The following HSPA4L variants were observed in gnomAD, a reference collection of about 807,000 sequenced individuals.
HSPA4L encodes heat shock 70 kDa protein 4L.
In HSPA4L, 48 loss-of-function variants were observed where a neutral mutation model predicts 100.3. The observed-to-expected ratio is 0.48, with a 90% confidence interval of 0.38 to 0.61. HSPA4L has a LOEUF of 0.61. Among genes scored for constraint, HSPA4L ranks in the 20% least tolerant of loss-of-function variants. The pLI is 0.00. For missense variants in HSPA4L, 886 were observed against 988.6 expected (o/e 0.90, Z 1.39); for synonymous variants, 319 against 328.2 (o/e 0.97, Z 0.30).
Position 127,833,117 on chromosome 4 carries a change from A to G in HSPA4L, c.*243A>G, listed in dbSNP as rs1734128960. 2.9e-6 allele frequency: 1 copy of G among 339,590 alleles called. No individual in the cohort carries two copies. The highest frequency in any genetic ancestry group is 5.3e-6 in the Non-Finnish European group (1 of 189,084). The allele number at this position is 339,590 out of a possible 1,614,324, so 21.0% of individuals were successfully genotyped here. A position where few individuals can be genotyped will look rare whatever the true frequency, so the allele number is the denominator to read the frequency against. ...CTAAGCTTTCCGGATAATTTTATAT[A>G]TCAAACATACAGGATGGATACATAG... On this transcript the variant is annotated 3_prime_UTR_variant, in exon 19 of 19. Transcript: ENST00000296464.
intron 11 of HSPA4L, chr4:127,809,302 C>G (rs1361200116): frequency 9.1e-6 from 11 of 1,210,706 alleles, no homozygotes; most frequent in African/African-American, 1.5e-5. Flanking sequence ...ATTGCACTCT[C>G]GAGACCCTGT....
rs1734170889 is a variant in HSPA4L, at chr4:127,834,996, A to G, written c.*2122A>G. 1.3e-5 allele frequency: 2 copies of G among 152,298 alleles called. No individual in the cohort carries two copies. The highest frequency in any genetic ancestry group is 2.1e-4 in the South Asian group (1 of 4,824). The allele number at this position is 152,298 out of a possible 1,614,324, so 9.4% of individuals were successfully genotyped here. ...TTTTTCTACCCAATTATTCAACTTA[A>G]AAGATTTCAAAAACGATTTAGCCTT... On this transcript the variant is annotated 3_prime_UTR_variant, in exon 19 of 19. Transcript: ENST00000296464.
chr4:127,783,675 G>T (rs1392864665), intron 1 of HSPA4L: 1 of 1,535,284 alleles, frequency 6.5e-7, no homozygotes, highest in East Asian at 2.4e-5. Context: ...TACTTTTTAT[G>T]GAAAGGTAAT....
chr4:127,832,778 C>A lies in HSPA4L; in HGVS notation c.2424C>A (p.Gly808=), dbSNP rs752382998. 1.3e-5 allele frequency: 21 copies of A among 1,613,356 alleles called. No individual in the cohort carries two copies. Among genetic ancestry groups the A allele is most frequent in the Admixed American group, 1.7e-5 (1 of 59,958 alleles). The change falls in exon 19 of 19, where the codon GGC becomes GGA. Residue 808 remains glycine (G), a synonymous_variant. Coordinates refer to ENST00000296464, the MANE Select transcript of HSPA4L (RefSeq NM_014278.4). ...CAAAAGCTAATAGTGAACACAATGG[C>A]CCAATGGATGGACAGAGTGGAACTG... The part of the protein sequence containing the change: ...DKPKANSEHN[G]PMDGQSGTET...
intron 3 of HSPA4L, among the ~76,000 whole-genome samples, chr4:127,797,345 C>T (rs553940994): frequency 2.0e-5 from 3 of 152,160 alleles, no homozygotes; most frequent in Admixed American, 2.0e-4. Flanking sequence ...AGTTTAACTT[C>T]TTAAAGTGAA....
intron 1 of HSPA4L, among the ~76,000 whole-genome samples, chr4:127,789,067 CA>C (rs1732798632): frequency 1.3e-5 from 2 of 152,158 alleles, no homozygotes; most frequent in Non-Finnish European, 2.9e-5. Flanking sequence ...TTTTAGGCAA[CA>C]AATCTCTTCT....
intron 12 of HSPA4L, among the ~76,000 whole-genome samples, chr4:127,815,098 A>G (rs1005321323): frequency 3.3e-5 from 5 of 151,946 alleles, no homozygotes; most frequent in Non-Finnish European, 7.4e-5. Context: ...GTAGATAAAG[A>G]GGCCCAGACA....
At chr4:127,826,401 G>A (rs9968459) in intron 16 of HSPA4L, among the ~76,000 whole-genome samples, 106,924 of 150,344 alleles carry the variant, frequency 0.71, 38,288 homozygotes, top group Middle Eastern at 0.83. Context: ...TGTCCCAATG[G>A]AAAAAAAAAA....
Position 127,833,032 on chromosome 4 carries a change from TC to T in HSPA4L, c.*159del. The T allele has an allele frequency of 2.1e-6, 1 of 482,806 alleles. No individual in the cohort carries two copies. Among genetic ancestry groups the T allele is most frequent in the Non-Finnish European group, 3.6e-6 (1 of 278,176 alleles). The allele number at this position is 482,806 out of a possible 1,614,324, so 29.9% of individuals were successfully genotyped here. On this transcript the variant is annotated 3_prime_UTR_variant, in exon 19 of 19. Coordinates refer to ENST00000296464, the MANE Select transcript of HSPA4L (RefSeq NM_014278.4). The stretch of plus-strand genomic sequence containing the variant: ...AAAAGTGTTTTATATTGAGTGCACT[TC>T]TGTTCATTTCCATTGCTGCTTATAT...
At chr4:127,809,302 C>T (rs1361200116) in intron 11 of HSPA4L, 6 of 1,210,824 alleles carry the variant, frequency 5.0e-6, no homozygotes, top group Non-Finnish European at 7.4e-6. Flanking sequence ...ATTGCACTCT[C>T]GAGACCCTGT....
intron 16 of HSPA4L, among the ~76,000 whole-genome samples, chr4:127,823,829 T>C (rs967670896): frequency 6.6e-6 from 1 of 152,198 alleles, no homozygotes; most frequent in African/African-American, 2.4e-5. Flanking sequence ...TTACCTCACA[T>C]ACATTTCTTT....
At chr4:127,819,836 A>G (rs1733762033) in intron 13 of HSPA4L, among the ~76,000 whole-genome samples, 1 of 152,188 alleles carries the variant, frequency 6.6e-6, no homozygotes, top group Non-Finnish European at 1.5e-5. Context: ...ACGGCATTGT[A>G]TGAATACATA....
chr4:127,802,953 T>A (rs1733234444), intron 6 of HSPA4L, among the ~76,000 whole-genome samples: 1 of 152,148 alleles, frequency 6.6e-6, no homozygotes, highest in Non-Finnish European at 1.5e-5. Context: ...TAGTGACTGT[T>A]GTAAGTAGTC....
At chr4:127,786,978 T>C (rs1423525603) in intron 1 of HSPA4L, among the ~76,000 whole-genome samples, 1 of 152,220 alleles carries the variant, frequency 6.6e-6, no homozygotes, top group Non-Finnish European at 1.5e-5. Context: ...TAATACTTTG[T>C]AATAGGGAAT....
chr4:127,804,023 A>G lies in HSPA4L; in HGVS notation c.921A>G (p.Glu307=), dbSNP rs1455719953. The change falls in exon 8 of 19, where the codon GAA becomes GAG. Residue 307 remains glutamate (E), a synonymous_variant. Coordinates refer to ENST00000296464, the MANE Select transcript of HSPA4L (RefSeq NM_014278.4). ...TATTTTCTCACAGGGCTCAATTTGAACAACTGTGTGCTTCCCTTTTGGCCA... is the reference window on the plus strand; with the variant it reads ...TATTTTCTCACAGGGCTCAATTTGAGCAACTGTGTGCTTCCCTTTTGGCCA... ...VSSKMNRAQF[E]QLCASLLARV... 6.2e-7 allele frequency: 1 copy of G among 1,614,090 alleles called. No homozygotes were observed. Among genetic ancestry groups the G allele is most frequent in the South Asian group, 1.1e-5 (1 of 91,088 alleles).
chr4:127,813,257 T>C, intron 12 of HSPA4L: 1 of 829,452 alleles, frequency 1.2e-6, no homozygotes, highest in Non-Finnish European at 2.0e-6. Context: ...TCTTTTATTC[T>C]ATTTTAAGAC....
intron 3 of HSPA4L, 29 bp downstream of exon 3, chr4:127,795,937 C>T (rs1406487259): frequency 6.2e-7 from 1 of 1,602,840 alleles, no homozygotes; most frequent in Non-Finnish European, 8.5e-7. Flanking sequence ...GGGTTACAAA[C>T]ATATCTTCAA....
intron 10 of HSPA4L, among the ~76,000 whole-genome samples, chr4:127,807,607 T>G (rs1733396266): frequency 6.6e-6 from 1 of 152,058 alleles, no homozygotes; most frequent in South Asian, 2.1e-4. Flanking sequence ...TTTAAAATTA[T>G]TTGCAAACAA....
At chr4:127,786,755 A>G (rs934161584) in intron 1 of HSPA4L, among the ~76,000 whole-genome samples, 1 of 152,246 alleles carries the variant, frequency 6.6e-6, no homozygotes, top group Non-Finnish European at 1.5e-5. Flanking sequence ...GCGTGAACCA[A>G]CGTGCCTGGC....
Sources: gnomAD v4.1 joint callset for allele counts (sites outside exome capture counted in the v4.1 genomes callset) on GRCh38, gnomAD v4.1.1 for gene constraint, MANE v1.5 for transcripts, NCBI Gene and HGNC (gene_info 2026-07-23, HGNC 2026-07-21) for gene names.